Variants in C10orf143 observed in about 807,000 individuals in gnomAD.
The protein encoded by C10orf143 is chromosome 10 open reading frame 143.
At chr10:130,040,021 G>A (rs1860588276) in intron 3 of C10orf143, among the ~76,000 whole-genome samples, 1 of 152,210 alleles carries the variant, frequency 6.6e-6, no homozygotes, top group African/African-American at 2.4e-5. Context: ...GTATCTTAGT[G>A]AGGATGCCCC....
chr10:130,038,145 C>T (rs1332890132), intron 3 of C10orf143, among the ~76,000 whole-genome samples: 2 of 152,172 alleles, frequency 1.3e-5, no homozygotes, highest in Non-Finnish European at 2.9e-5. Flanking sequence ...CAGGGAGTAA[C>T]ATGCGGCGGC....
At chr10:130,049,684 T>C (rs1860715302) in intron 3 of C10orf143, among the ~76,000 whole-genome samples, 1 of 152,232 alleles carries the variant, frequency 6.6e-6, no homozygotes, top group Non-Finnish European at 1.5e-5. Context: ...GCAGTCACTT[T>C]GTTGTCGCTG....
chr10:130,071,266 C>G (rs1310962397), intron 3 of C10orf143, among the ~76,000 whole-genome samples: 1 of 152,132 alleles, frequency 6.6e-6, no homozygotes, highest in East Asian at 1.9e-4. Flanking sequence ...CCAGAAATGC[C>G]CACCATAAGC....
chr10:130,054,326 G>T (rs1054910427), intron 3 of C10orf143, among the ~76,000 whole-genome samples: 6 of 152,108 alleles, frequency 3.9e-5, no homozygotes, highest in Non-Finnish European at 7.3e-5. Flanking sequence ...CTCCAGCTTT[G>T]TCCATGTTGT....
At chr10:130,084,319 GAA>G (rs71007588) in intron 1 of C10orf143, among the ~76,000 whole-genome samples, 2 of 150,336 alleles carry the variant, frequency 1.3e-5, no homozygotes, top group Non-Finnish European at 3.0e-5. Flanking sequence ...ATCTCAAAAA[GAA>G]AAAAAAAACT....
chr10:130,037,558 G>A (rs1428406346), intron 3 of C10orf143, among the ~76,000 whole-genome samples: 2 of 152,168 alleles, frequency 1.3e-5, no homozygotes, highest in Non-Finnish European at 2.9e-5. Context: ...CTGGCAAGGT[G>A]TGCACACCCC....
chr10:130,043,691 C>T (rs1860632861), intron 3 of C10orf143, among the ~76,000 whole-genome samples: 1 of 152,224 alleles, frequency 6.6e-6, no homozygotes, highest in Admixed American at 6.5e-5. Context: ...GTGCCTGATA[C>T]CCAGATGTTC....
intron 3 of C10orf143, among the ~76,000 whole-genome samples, chr10:130,049,569 G>C (rs1336944517): frequency 1.3e-5 from 2 of 152,194 alleles, no homozygotes; most frequent in Non-Finnish European, 2.9e-5. Context: ...CAGGGGCTTG[G>C]GGACCGGAGC....
intron 1 of C10orf143, among the ~76,000 whole-genome samples, chr10:130,090,226 T>C (rs552430838): frequency 5.3e-5 from 8 of 152,004 alleles, no homozygotes; most frequent in South Asian, 2.1e-4. Flanking sequence ...GCTCATCTCA[T>C]TGGGACTAGT....
chr10:130,040,777 C>T (rs534920344), intron 3 of C10orf143, among the ~76,000 whole-genome samples: 1 of 151,844 alleles, frequency 6.6e-6, no homozygotes, highest in East Asian at 1.9e-4. Context: ...AAGTTGAGAT[C>T]ACACCACTGC....
chr10:130,104,437 G>A (rs72846616), intron 1 of C10orf143: 23,969 of 152,224 alleles, frequency 0.16, 2,539 homozygotes, highest in Non-Finnish European at 0.22. Flanking sequence ...TTTGCTGGTG[G>A]TTATGTGCAG....
chr10:130,088,313 G>A (rs1861325433), intron 1 of C10orf143, among the ~76,000 whole-genome samples: 1 of 152,180 alleles, frequency 6.6e-6, no homozygotes, highest in African/African-American at 2.4e-5. Context: ...GAACCCGGGA[G>A]GCAGAGGTTG....
chr10:130,104,597 C>G (rs1238348122), intron 1 of C10orf143: 1 of 152,180 alleles, frequency 6.6e-6, no homozygotes, highest in Non-Finnish European at 1.5e-5. Context: ...TTATTGAACT[C>G]AATCTGGATT....
intron 3 of C10orf143, among the ~76,000 whole-genome samples, chr10:130,075,315 T>C (rs1861097485): frequency 6.6e-6 from 1 of 152,120 alleles, no homozygotes; most frequent in Non-Finnish European, 1.5e-5. Flanking sequence ...TTTTTAACTT[T>C]CATGTCCAGG....
At chr10:130,109,324 G>A (rs190057028) in intron 1 of C10orf143, among the ~76,000 whole-genome samples, 120 of 152,218 alleles carry the variant, frequency 7.9e-4, no homozygotes, top group African/African-American at 2.3e-3. Context: ...AGCCACCCTT[G>A]GCTATGCAGA....
intron 1 of C10orf143, chr10:130,106,525 G>A (rs779736221): frequency 6.3e-6 from 10 of 1,598,044 alleles, no homozygotes; most frequent in East Asian, 4.5e-5. Flanking sequence ...CTAAACATTC[G>A]CAACAAAATG....
At chr10:130,046,766 G>A (rs980670262) in intron 3 of C10orf143, among the ~76,000 whole-genome samples, 1 of 152,182 alleles carries the variant, frequency 6.6e-6, no homozygotes, top group Non-Finnish European at 1.5e-5. Flanking sequence ...CACGCCGCCC[G>A]CTCACCTGCA....
At chr10:130,073,675 G>A (rs938117940) in intron 3 of C10orf143, among the ~76,000 whole-genome samples, 1 of 152,064 alleles carries the variant, frequency 6.6e-6, no homozygotes, top group Non-Finnish European at 1.5e-5. Flanking sequence ...GGACACATCT[G>A]TGTTGGTTTT....
chr10:130,070,662 C>T (rs1441992001), intron 3 of C10orf143, among the ~76,000 whole-genome samples: 1 of 152,180 alleles, frequency 6.6e-6, no homozygotes, highest in Non-Finnish European at 1.5e-5. Flanking sequence ...AAGTTGTTTA[C>T]CACTCTCATA....
Sources: gnomAD v4.1 joint callset for allele counts (sites outside exome capture counted in the v4.1 genomes callset) on GRCh38, gnomAD v4.1.1 for gene constraint, MANE v1.5 for transcripts, NCBI Gene and HGNC (gene_info 2026-07-23, HGNC 2026-07-21) for gene names.